Variants in ANKRD55 observed in about 807,000 individuals in gnomAD.
ANKRD55 encodes the protein ankyrin repeat domain 55, also known as ankyrin repeat domain-containing protein 55.
Under a neutral mutation model 60.6 loss-of-function variants are expected in ANKRD55, and 41 were observed. The ratio of observed to expected loss-of-function variants is 0.68; its 90% confidence interval spans 0.53 to 0.88. The LOEUF is 0.88. Among genes scored for constraint, ANKRD55 ranks in the 40% least tolerant of loss-of-function variants. The probability of loss-of-function intolerance (pLI) is 0.00; values close to 1 mark genes in which losing one functional copy is unlikely to be tolerated. For missense variants in ANKRD55, 732 were observed against 767.6 expected (o/e 0.95, Z 0.55); for synonymous variants, 264 against 290.3 (o/e 0.91, Z 0.92).
intron 2 of ANKRD55, among the ~76,000 whole-genome samples, chr5:56,203,954 A>T (rs1581019532): frequency 6.6e-6 from 1 of 152,120 alleles, no homozygotes; most frequent in Non-Finnish European, 1.5e-5. Context: ...TCCCACCAAC[A>T]GTGTAAAAGT....
chr5:56,185,308 T>G (rs546120246), intron 2 of ANKRD55, among the ~76,000 whole-genome samples: 2 of 152,068 alleles, frequency 1.3e-5, no homozygotes, highest in Non-Finnish European at 2.9e-5. Flanking sequence ...AGAGGAGGCC[T>G]CCAGGGAGAG....
At chr5:56,104,671 A>G (rs1756397762) in intron 10 of ANKRD55, among the ~76,000 whole-genome samples, 2 of 152,318 alleles carry the variant, frequency 1.3e-5, no homozygotes, top group East Asian at 1.9e-4. Flanking sequence ...TAATAATAAT[A>G]ATGATAATAA....
chr5:56,186,034 G>T (rs924117071), intron 2 of ANKRD55, among the ~76,000 whole-genome samples: 1 of 152,222 alleles, frequency 6.6e-6, no homozygotes, highest in Admixed American at 6.5e-5. Flanking sequence ...AAGAGGAGGG[G>T]TGTCCAGGTC....
intron 7 of ANKRD55, among the ~76,000 whole-genome samples, chr5:56,130,109 G>C (rs1199425146): frequency 6.6e-6 from 1 of 152,230 alleles, no homozygotes; most frequent in Non-Finnish European, 1.5e-5. Context: ...GACTCCAGAG[G>C]CTGCCAAGCC....
At chr5:56,124,258 G>A (rs1422729560) in intron 8 of ANKRD55, among the ~76,000 whole-genome samples, 1 of 151,980 alleles carries the variant, frequency 6.6e-6, no homozygotes, top group East Asian at 1.9e-4. Flanking sequence ...TCATATCTTA[G>A]GTAAGTACTA....
intron 2 of ANKRD55, among the ~76,000 whole-genome samples, chr5:56,198,151 T>C (rs1367872626): frequency 6.6e-6 from 1 of 152,170 alleles, no homozygotes; most frequent in Non-Finnish European, 1.5e-5. Flanking sequence ...TATTACTTAA[T>C]TGAAAATTTT....
At chr5:56,205,078 T>C (rs1419506856) in intron 2 of ANKRD55, among the ~76,000 whole-genome samples, 1 of 152,206 alleles carries the variant, frequency 6.6e-6, no homozygotes, top group Non-Finnish European at 1.5e-5. Context: ...TTTTTTCTTT[T>C]GAGACAGAGT....
intron 3 of ANKRD55, among the ~76,000 whole-genome samples, chr5:56,181,120 C>T (rs2111828906): frequency 6.6e-6 from 1 of 152,224 alleles, no homozygotes; most frequent in South Asian, 2.1e-4. Flanking sequence ...TTGCTTGAAC[C>T]CGGGAGGTGG....
chr5:56,123,247 C>G (rs186450), intron 8 of ANKRD55, among the ~76,000 whole-genome samples: 5 of 151,996 alleles, frequency 3.3e-5, no homozygotes, highest in African/African-American at 4.8e-5. Context: ...CTGGAGGCAG[C>G]CTGGCAGCTG....
intron 3 of ANKRD55, among the ~76,000 whole-genome samples, chr5:56,179,057 G>A (rs894339162): frequency 1.3e-5 from 2 of 152,038 alleles, no homozygotes; most frequent in African/African-American, 2.4e-5. Flanking sequence ...ATTTCATAAC[G>A]AAAATTTCAC....
intron 6 of ANKRD55, among the ~76,000 whole-genome samples, chr5:56,147,585 T>C (rs943745820): frequency 2.0e-5 from 3 of 152,198 alleles, no homozygotes; most frequent in Non-Finnish European, 1.5e-5. Flanking sequence ...CTTGAGAACA[T>C]CTTGAAAATA....
At chr5:56,173,413 G>T (rs1758651980) in intron 4 of ANKRD55, among the ~76,000 whole-genome samples, 1 of 151,382 alleles carries the variant, frequency 6.6e-6, no homozygotes, top group South Asian at 2.1e-4. Context: ...GCCCAGGCTG[G>T]TCAGGAACTC....
At chr5:56,233,005 A>G in intron 1 of ANKRD55, 59 bp from the exon 2 acceptor site, 6 of 1,219,112 alleles carry the variant, frequency 4.9e-6, no homozygotes, top group Non-Finnish European at 7.2e-6. Context: ...CAGAGGCAGC[A>G]TCGTTTGCCA....
At position 56,106,492 on chromosome 5, in the gene ANKRD55, C is replaced by T. The variant is rs1384753640; in HGVS notation, c.1631-3906G>A. Among the ~76,000 whole-genome samples, 6 of 142,216 alleles carry T rather than the reference C, an allele frequency of 4.2e-5. No individual in the cohort carries two copies. The East Asian group carries it at 6.0e-4, about 14-fold the overall frequency. The allele number at this position is 142,216 out of a possible 152,430, so 93.3% of individuals were successfully genotyped here. A position where few individuals can be genotyped will look rare whatever the true frequency, so the allele number is the denominator to read the frequency against. On this transcript the variant is annotated intron_variant, in intron 10 of 11. Coordinates refer to ENST00000341048, the MANE Select transcript of ANKRD55 (RefSeq NM_024669.3). Reference sequence around the variant, plus strand: ...CCAGGCTGGAGTGCAGGTGCGATCTCGGCTCACTGCAACCTCTGCCTCCTG... The same window carrying T: ...CCAGGCTGGAGTGCAGGTGCGATCTTGGCTCACTGCAACCTCTGCCTCCTG...
Position 56,199,774 on chromosome 5 carries a change from C to T in ANKRD55, c.59-16140G>A, listed in dbSNP as rs551462781. 1.7e-3 allele frequency among the ~76,000 whole-genome samples: 254 copies of T among 151,740 alleles called. 11 individuals carry two copies. The South Asian group carries it at 0.052, about 31-fold the overall frequency. ...GGCGTGGTGGCGGGCGCCTGTAGTC[C>T]CAGCTACTTGGGAGGCTGAGGCAGG... On this transcript the variant is annotated intron_variant, in intron 2 of 11. Transcript: ENST00000341048.
intron 7 of ANKRD55, among the ~76,000 whole-genome samples, chr5:56,131,824 G>A (rs1281104514): frequency 5.9e-3 from 487 of 83,178 alleles, no homozygotes; most frequent in South Asian, 0.011. Context: ...AAAAAAAAAA[G>A]TAGTTTCTTA....
At position 56,221,420 on chromosome 5, in the gene ANKRD55, G is replaced by A. The variant is rs138858325; in HGVS notation, c.58+11436C>T. Among the ~76,000 whole-genome samples the A allele has an allele frequency of 9.3e-4, 142 of 152,348 alleles. 3 individuals carry two copies. The Middle Eastern group carries it at 0.027, about 29-fold the overall frequency. Reference sequence around the variant, plus strand: ...CCAGTCTACAGCTCCCAGCGTGAGTGACGCAAAAGACAGGTGATTTCTGCA... The same window carrying A: ...CCAGTCTACAGCTCCCAGCGTGAGTAACGCAAAAGACAGGTGATTTCTGCA... On this transcript the variant is annotated intron_variant, in intron 2 of 11. Coordinates refer to ENST00000341048, the MANE Select transcript of ANKRD55 (RefSeq NM_024669.3).
At chr5:56,207,717 CATAA>C (rs1161337888) in intron 2 of ANKRD55, among the ~76,000 whole-genome samples, 1 of 152,160 alleles carries the variant, frequency 6.6e-6, no homozygotes, top group Non-Finnish European at 1.5e-5. Flanking sequence ...GGGCACATAG[CATAA>C]ATAGAGCTTG....
In ANKRD55 at chr5:56,159,328, G is replaced by A. The variant is rs565811894; in HGVS notation, c.483+505C>T. ...AGTACAAAATTAGCCGGGTGTGGTG[G>A]CGCCTGCTTGTAATCCCAGCTACTG... On this transcript the variant is annotated intron_variant, in intron 6 of 11. Transcript: ENST00000341048. Among the ~76,000 whole-genome samples, 288 of 152,316 alleles carry A rather than the reference G, an allele frequency of 1.9e-3. 5 individuals are homozygous for A. In the Middle Eastern group the frequency reaches 0.048, roughly 25 times the overall value.
Sources: allele counts gnomAD v4.1 joint callset (sites outside exome capture counted in the v4.1 genomes callset), GRCh38; gene constraint gnomAD v4.1.1; transcripts MANE v1.5; gene names NCBI Gene and HGNC (gene_info 2026-07-23, HGNC 2026-07-21).